CC2D2A: variants seen among roughly 807,000 people sequenced by gnomAD.
CC2D2A encodes the protein coiled-coil and C2 domain containing 2A.
CC2D2A carries 155 observed loss-of-function variants against 212.9 expected under a neutral mutation model. That is an observed-to-expected ratio of 0.73 (90% CI 0.64 to 0.83). CC2D2A has a LOEUF of 0.83. Among genes scored for constraint, CC2D2A ranks in the 40% least tolerant of loss-of-function variants. The pLI, the probability that CC2D2A is intolerant of heterozygous loss-of-function variation, is 0.00. For synonymous variants in CC2D2A, 667 were observed against 686.5 expected (o/e 0.97, Z 0.44); for missense variants, 1,856 against 1,956.2 (o/e 0.95, Z 0.97).
chr4:15,504,433 G>A (rs549904006), intron 6 of CC2D2A, among the ~76,000 whole-genome samples: 6 of 152,104 alleles, frequency 3.9e-5, no homozygotes, highest in Non-Finnish European at 7.4e-5. Context: ...AAAGAACTTT[G>A]GTTATTTTGG....
At chr4:15,495,216 C>T (rs947087306) in intron 4 of CC2D2A, among the ~76,000 whole-genome samples, 15 of 152,182 alleles carry the variant, frequency 9.9e-5, no homozygotes, top group African/African-American at 3.1e-4. Context: ...TCAAGTGATT[C>T]TCCTGCCTCA....
intron 6 of CC2D2A, among the ~76,000 whole-genome samples, chr4:15,504,663 G>A (rs968992021): frequency 6.6e-6 from 1 of 151,938 alleles, no homozygotes; most frequent in Admixed American, 6.6e-5. Flanking sequence ...ATACTCCCTG[G>A]GCTACTAGGG....
At chr4:15,481,845 A>G (rs576039980) in intron 4 of CC2D2A, 572 of 985,430 alleles carry the variant, frequency 5.8e-4, no homozygotes, top group Non-Finnish European at 6.8e-4. Context: ...GGGAAGACAT[A>G]TGTGTTAACC....
chr4:15,586,084 A>G, intron 30 of CC2D2A, 73 bp from the exon 31 acceptor site: 2 of 993,910 alleles, frequency 2.0e-6, no homozygotes, highest in Non-Finnish European at 3.2e-6. Context: ...TTGAGATTTA[A>G]GAAATGAGGT....
chr4:15,588,518 A>G (rs1161428146), intron 32 of CC2D2A, among the ~76,000 whole-genome samples: 2 of 152,348 alleles, frequency 1.3e-5, no homozygotes, highest in Non-Finnish European at 2.9e-5. Flanking sequence ...GCAAATAGGT[A>G]AGTTTAGAAA....
intron 27 of CC2D2A, 26 bp downstream of exon 27, chr4:15,569,415 A>G: frequency 7.8e-7 from 1 of 1,286,222 alleles, no homozygotes; most frequent in Non-Finnish European, 1.1e-6. Flanking sequence ...TAAGAAAGAC[A>G]CTTGTATTCA....
chr4:15,491,947 T>C (rs6827355), intron 4 of CC2D2A, among the ~76,000 whole-genome samples: 1 of 152,180 alleles, frequency 6.6e-6, no homozygotes, highest in Non-Finnish European at 1.5e-5. Context: ...TATCTAAAAA[T>C]TAATTGCCCA....
chr4:15,594,173 G>A (rs1721222798), intron 33 of CC2D2A, among the ~76,000 whole-genome samples: 1 of 152,016 alleles, frequency 6.6e-6, no homozygotes, highest in African/African-American at 2.4e-5. Flanking sequence ...AGGCATAAAT[G>A]ACCACTGCCC....
rs1284632277 is a variant in CC2D2A, at chr4:15,550,890, A to T, written c.2248A>T (p.Thr750Ser). 6.2e-7 allele frequency: 1 copy of T among 1,605,862 alleles called. No homozygotes were observed. The highest frequency in any genetic ancestry group is 8.5e-7 in the Non-Finnish European group (1 of 1,173,666). The change falls in exon 18 of 37, where the codon ACT becomes TCT. Residue 750 changes from threonine to serine, a missense_variant. Physicochemically the swap from Thr to Ser is moderately conservative, Grantham distance 58. Coordinates refer to ENST00000424120, the MANE Select transcript of CC2D2A (RefSeq NM_001378615.1). ...LAEVFLPIPETTVVTGRAPTE... is the reference protein window; with the variant it reads ...LAEVFLPIPESTVVTGRAPTE... ...AGAAGTGTTTCTGCCTATTCCTGAGACTACTGTTGTCACTGGAAGGGCTCC... is the reference window on the plus strand; with the variant it reads ...AGAAGTGTTTCTGCCTATTCCTGAGTCTACTGTTGTCACTGGAAGGGCTCC...
intron 33 of CC2D2A, among the ~76,000 whole-genome samples, chr4:15,593,085 A>C (rs572856087): frequency 6.6e-6 from 1 of 152,210 alleles, no homozygotes; most frequent in South Asian, 2.1e-4. Context: ...TAGTATCCCC[A>C]ATTAAGTTCA....
At chr4:15,547,851 C>T (rs1336084571) in intron 17 of CC2D2A, among the ~76,000 whole-genome samples, 1 of 151,934 alleles carries the variant, frequency 6.6e-6, no homozygotes, top group Non-Finnish European at 1.5e-5. Flanking sequence ...ACCAGTCTGG[C>T]CAACATGCAG....
intron 4 of CC2D2A, among the ~76,000 whole-genome samples, chr4:15,493,773 C>T (rs1002141592): frequency 6.6e-6 from 1 of 152,160 alleles, no homozygotes; most frequent in Admixed American, 6.5e-5. Context: ...TCCCTAGTAC[C>T]TTGAACACAT....
At chr4:15,493,360 C>G (rs1715429602) in intron 4 of CC2D2A, among the ~76,000 whole-genome samples, 1 of 152,120 alleles carries the variant, frequency 6.6e-6, no homozygotes, top group South Asian at 2.1e-4. Context: ...CCTCTGCCTC[C>G]TGGGCACAGC....
At chr4:15,601,134 AC>A (rs1721573888) in intron 36 of CC2D2A, 102 bp from the exon 37 acceptor site, 1 of 808,580 alleles carries the variant, frequency 1.2e-6, no homozygotes, top group East Asian at 2.9e-5. Flanking sequence ...CAAGCAAATA[AC>A]TGAGATCCAG....
intron 4 of CC2D2A, chr4:15,482,320 T>C (rs1197283408): frequency 2.0e-6 from 2 of 978,074 alleles, no homozygotes; most frequent in East Asian, 2.3e-4. Context: ...CTACCAAAGA[T>C]TACAACTTGT....
chr4:15,511,257 G>C lies in CC2D2A; in HGVS notation c.551G>C (p.Gly184Ala), dbSNP rs369902469. 28 of 1,599,396 alleles carry C rather than the reference G, an allele frequency of 1.8e-5. No individual in the cohort carries two copies. Among genetic ancestry groups the C allele is most frequent in the African/African-American group, 1.3e-5 (1 of 74,284 alleles). ...KIKPKPQVPP[G>A]FPSAEEAYNF... ...CTTGCTTTTCGTTAGGTTCCACCTG[G>C]CTTCCCTTCTGCAGAAGAGGCCTAT... The change falls in exon 8 of 37, where the codon GGC (glycine) becomes GCC (alanine). Residue 184 changes from glycine to alanine, a missense_variant. Gly to Ala is a moderately conservative substitution (Grantham distance 60). Around this residue, in one of 5 missense-constraint regions of CC2D2A, gnomAD observed 1,512 missense variants for 1,579.3 expected, o/e 0.96. Coordinates refer to ENST00000424120, the MANE Select transcript of CC2D2A (RefSeq NM_001378615.1).
At chr4:15,526,194 C>A (rs1717502453) in intron 11 of CC2D2A, among the ~76,000 whole-genome samples, 1 of 152,178 alleles carries the variant, frequency 6.6e-6, no homozygotes, top group Non-Finnish European at 1.5e-5. Flanking sequence ...CAGGCTGTAT[C>A]ACACTGTAGA....
intron 14 of CC2D2A, among the ~76,000 whole-genome samples, chr4:15,534,800 T>C (rs562842101): frequency 6.6e-6 from 1 of 152,276 alleles, no homozygotes; most frequent in African/African-American, 2.4e-5. Context: ...TATAAGACTG[T>C]GTGATCTTTG....
Position 15,537,932 on chromosome 4 carries a change from G to A in CC2D2A, c.1798G>A (p.Glu600Lys), listed in dbSNP as rs755852655. 6.2e-7 allele frequency: 1 copy of A among 1,607,800 alleles called. No homozygotes were observed. Among genetic ancestry groups the A allele is most frequent in the South Asian group, 1.1e-5 (1 of 89,620 alleles). Residue 600 changes from glutamate to lysine, a missense_variant, in exon 16 of 37, where the codon GAA becomes AAA. This residue lies in a region of CC2D2A where 1,512 missense variants were observed against 1,579.3 expected (regional missense o/e 0.96). Transcript: ENST00000424120. ...GAAGAAGAAAAGGAAACAAGCAGCA[G>A]AAGAACATCCCGGTGATGAGATTGC... is the stretch of plus-strand genomic sequence containing the variant. ...AKKKKRKQAA[E>K]EHPGDEIAEP... is the part of the protein sequence containing the mutation.
Sources: allele counts gnomAD v4.1 joint callset (sites outside exome capture counted in the v4.1 genomes callset), GRCh38; gene constraint gnomAD v4.1.1; regional missense constraint gnomAD v4.1.1; transcripts MANE v1.5; gene names NCBI Gene and HGNC (gene_info 2026-07-23, HGNC 2026-07-21).